ANKS1B: variants seen among roughly 807,000 people sequenced by gnomAD.
The protein encoded by ANKS1B is ankyrin repeat and sterile alpha motif domain-containing protein 1B.
A neutral mutation model predicts 148.3 loss-of-function variants in ANKS1B; 36 were observed. The observed-to-expected ratio is 0.24, with a 90% confidence interval of 0.19 to 0.32. The LOEUF (loss-of-function observed/expected upper bound fraction) is 0.32, where lower values mean the gene tolerates loss of function less well. Ranked by LOEUF, ANKS1B falls within the 10% of genes least tolerant of loss-of-function variation. The pLI, the probability that ANKS1B is intolerant of heterozygous loss-of-function variation, is 1.00. For synonymous variants in ANKS1B, 542 were observed against 560.8 expected, an observed-to-expected ratio of 0.97 and a Z score of 0.47; for missense variants, 1,157 against 1,542.6, an observed-to-expected ratio of 0.75 and a Z score of 4.19.
intron 8 of ANKS1B, among the ~76,000 whole-genome samples, chr12:99,715,100 G>A (rs2057133641): frequency 6.6e-6 from 1 of 151,956 alleles, no homozygotes; most frequent in Non-Finnish European, 1.5e-5. Flanking sequence ...CTGAACTTCA[G>A]ACTAGGCAAC....
At chr12:98,736,316 C>T (rs1024950470) in intron 9 of ANKS1B, among the ~76,000 whole-genome samples, 1 of 152,098 alleles carries the variant, frequency 6.6e-6, no homozygotes, top group Non-Finnish European at 1.5e-5. Flanking sequence ...GGATTCTGGA[C>T]ATATTTTGAA....
At chr12:99,602,484 A>G (rs1442150151) in intron 9 of ANKS1B, among the ~76,000 whole-genome samples, 1 of 152,122 alleles carries the variant, frequency 6.6e-6, no homozygotes, top group Non-Finnish European at 1.5e-5. Flanking sequence ...TCCTGAGTCC[A>G]GAGGGTATCC....
chr12:99,053,381 C>A, intron 16 of ANKS1B, 72 bp from the exon 17 acceptor site: 2 of 1,221,348 alleles, frequency 1.6e-6, no homozygotes, highest in Admixed American at 3.7e-5. Flanking sequence ...CAGATTTCCC[C>A]TTGAAAATTT....
chr12:99,174,486 C>A lies in ANKS1B; in HGVS notation c.2420-20091G>T, dbSNP rs536239925. On this transcript the variant is annotated intron_variant, in intron 14 of 26. Coordinates refer to ENST00000683438, the MANE Select transcript of ANKS1B (RefSeq NM_001352186.2). ...CTGGGTGCTTTTTATGCTCCCCTGGCCAAAATGTTTCATTCAGAGTTGACC... is the reference window on the plus strand; with the variant it reads ...CTGGGTGCTTTTTATGCTCCCCTGGACAAAATGTTTCATTCAGAGTTGACC... Among the ~76,000 whole-genome samples the A allele has an allele frequency of 3.3e-5, 5 of 152,224 alleles. No homozygotes were observed. The South Asian group carries it at 6.2e-4, about 19-fold the overall frequency.
At chr12:99,395,480 A>C (rs1227035004) in intron 12 of ANKS1B, among the ~76,000 whole-genome samples, 1 of 152,000 alleles carries the variant, frequency 6.6e-6, no homozygotes, top group Non-Finnish European at 1.5e-5. Context: ...ATTTCCCCTC[A>C]TCTTTGCACA....
intron 9 of ANKS1B, among the ~76,000 whole-genome samples, chr12:99,570,376 AGTGGC>A (rs2097440448): frequency 6.6e-6 from 1 of 152,088 alleles, no homozygotes; most frequent in East Asian, 1.9e-4. Flanking sequence ...GGCCGGGCAC[AGTGGC>A]TCACGCCTGT....
At chr12:98,860,824 T>C (rs1422272082) in intron 17 of ANKS1B, among the ~76,000 whole-genome samples, 2 of 152,104 alleles carry the variant, frequency 1.3e-5, no homozygotes, top group Non-Finnish European at 2.9e-5. Flanking sequence ...ATGGCACACG[T>C]TTACCTATGT....
chr12:99,428,407 A>T (rs956549769), intron 11 of ANKS1B, among the ~76,000 whole-genome samples: 2 of 152,198 alleles, frequency 1.3e-5, no homozygotes, highest in Non-Finnish European at 2.9e-5. Flanking sequence ...CCACATTTGG[A>T]GATGACCCTA....
At chr12:99,298,456 T>C (rs989886393) in intron 12 of ANKS1B, among the ~76,000 whole-genome samples, 4 of 152,210 alleles carry the variant, frequency 2.6e-5, no homozygotes, top group African/African-American at 9.6e-5. Context: ...CTTTGCCTTC[T>C]GCCATGATTG....
chr12:98,816,574 G>C (rs1246089305), intron 19 of ANKS1B, among the ~76,000 whole-genome samples: 1 of 152,196 alleles, frequency 6.6e-6, no homozygotes, highest in East Asian at 1.9e-4. Context: ...TTACAGGTGT[G>C]AGCCACTGCA....
intron 1 of ANKS1B, among the ~76,000 whole-genome samples, chr12:99,843,938 G>C (rs2086188971): frequency 1.3e-5 from 2 of 151,960 alleles, no homozygotes; most frequent in African/African-American, 4.8e-5. Context: ...TTTAATAACA[G>C]TCATTCTTAC....
intron 10 of ANKS1B, among the ~76,000 whole-genome samples, chr12:99,492,953 G>T (rs1193156183): frequency 6.6e-6 from 1 of 152,142 alleles, no homozygotes. Flanking sequence ...GCAAAAGCTG[G>T]AAGCATTCCC....
chr12:99,475,074 T>TA (rs2096295824), intron 10 of ANKS1B, among the ~76,000 whole-genome samples: 1 of 148,736 alleles, frequency 6.7e-6, no homozygotes, highest in South Asian at 2.1e-4. Flanking sequence ...CCATCTGTAC[T>TA]AAAAATACAA....
At chr12:98,819,092 C>G (rs1044096293) in intron 19 of ANKS1B, among the ~76,000 whole-genome samples, 2 of 152,078 alleles carry the variant, frequency 1.3e-5, no homozygotes, top group Non-Finnish European at 2.9e-5. Flanking sequence ...AAAATGAGCA[C>G]ATTACATAGT....
chr12:99,494,128 C>T (rs1026151816), intron 10 of ANKS1B, among the ~76,000 whole-genome samples: 3 of 152,106 alleles, frequency 2.0e-5, no homozygotes, highest in African/African-American at 4.8e-5. Context: ...GAGGTGTCGC[C>T]AACCTGTGCT....
rs147314870 is a variant in ANKS1B at position 99,123,530 on chromosome 12, C to T, written c.2526+30759G>A. Among the ~76,000 whole-genome samples, 512 of 152,194 alleles carry T rather than the reference C, an allele frequency of 3.4e-3. 2 individuals are homozygous for T. Among genetic ancestry groups the T allele is most frequent in the African/African-American group, 0.012 (485 of 41,498 alleles). ...CACAAGATCATAAGGTGAAGTCCCA[C>T]AATAGGCCACCTGCAAGCTGAGGAG... On this transcript the variant is annotated intron_variant, in intron 15 of 26. Coordinates refer to ENST00000683438, the MANE Select transcript of ANKS1B (RefSeq NM_001352186.2).
chr12:99,210,075 A>G (rs2083152949), intron 14 of ANKS1B, among the ~76,000 whole-genome samples: 1 of 152,106 alleles, frequency 6.6e-6, no homozygotes, highest in Non-Finnish European at 1.5e-5. Flanking sequence ...AGCCCCTCTC[A>G]GGTTTAGTCT....
At chr12:98,903,805 A>G (rs2099775340) in intron 17 of ANKS1B, among the ~76,000 whole-genome samples, 1 of 152,202 alleles carries the variant, frequency 6.6e-6, no homozygotes, top group South Asian at 2.1e-4. Flanking sequence ...AATCTTCTCT[A>G]CAACTTCTAA....
At chr12:99,119,328 C>G (rs1257265675) in intron 15 of ANKS1B, among the ~76,000 whole-genome samples, 1 of 152,094 alleles carries the variant, frequency 6.6e-6, no homozygotes, top group Non-Finnish European at 1.5e-5. Context: ...CCCTCTAGAG[C>G]TTCTGGAGGG....
Sources: gnomAD v4.1 joint callset for allele counts (sites outside exome capture counted in the v4.1 genomes callset) on GRCh38, gnomAD v4.1.1 for gene constraint, MANE v1.5 for transcripts, NCBI Gene and HGNC (gene_info 2026-07-23, HGNC 2026-07-21) for gene names.